The following BLTP1 variants were observed in gnomAD, a reference collection of about 807,000 sequenced individuals.
BLTP1 encodes the protein fragile site-associated protein.
chr4:122,263,883 G>C, the BLTP1 span, among the ~76,000 whole-genome samples: 1 of 152,052 alleles, frequency 6.6e-6, no homozygotes, highest in Non-Finnish European at 1.5e-5. Context: ...AAAATGCAAA[G>C]TGTAATTACA....
chr4:122,269,317 G>A, the BLTP1 span: 1 of 608,252 alleles, frequency 1.6e-6, no homozygotes. Flanking sequence ...CCTATTTATT[G>A]GCCTAGTAAA....
At chr4:122,329,982 G>T in the BLTP1 span, among the ~76,000 whole-genome samples, 54 of 151,836 alleles carry the variant, frequency 3.6e-4, no homozygotes, top group East Asian at 9.1e-3. Context: ...TGCAGTATTT[G>T]TCCTTCTGTA....
chr4:122,156,520 TAAG>T, the BLTP1 span, among the ~76,000 whole-genome samples: 2 of 152,168 alleles, frequency 1.3e-5, no homozygotes, highest in African/African-American at 4.8e-5. Context: ...ACATATCACT[TAAG>T]AAATCGTTGA....
chr4:122,332,661 A>G, the BLTP1 span, among the ~76,000 whole-genome samples: 1 of 131,946 alleles, frequency 7.6e-6, no homozygotes, highest in Admixed American at 8.0e-5. Context: ...TCTAAGTTTT[A>G]GGGTACATGT....
the BLTP1 span, chr4:122,246,889 A>T: frequency 1.3e-6 from 2 of 1,540,944 alleles, no homozygotes; most frequent in South Asian, 2.5e-5. Flanking sequence ...TTTCTTTTAA[A>T]AATACATTTC....
At chr4:122,166,058 G>A in the BLTP1 span, among the ~76,000 whole-genome samples, 2 of 152,068 alleles carry the variant, frequency 1.3e-5, no homozygotes, top group Non-Finnish European at 1.5e-5. Flanking sequence ...CTTTTGCTGT[G>A]CAGAAGCTCT....
chr4:122,215,239 T>C, the BLTP1 span: 1 of 549,194 alleles, frequency 1.8e-6, no homozygotes, highest in Non-Finnish European at 2.3e-6. Flanking sequence ...TAAATGGAGA[T>C]TGCTTTAGTA....
chr4:122,224,902 C>CCTG, the BLTP1 span: 2 of 1,367,660 alleles, frequency 1.5e-6, no homozygotes, highest in South Asian at 1.6e-5. Flanking sequence ...GTGTGTAGAC[C>CCTG]TATATAATAT....
At chr4:122,287,698 T>G in the BLTP1 span, 1 of 985,324 alleles carries the variant, frequency 1.0e-6, no homozygotes, top group East Asian at 1.1e-4. Flanking sequence ...GGGACATATT[T>G]AAGTCTGATT....
chr4:122,334,137 G>A, the BLTP1 span: 8 of 189,198 alleles, frequency 4.2e-5, no homozygotes, highest in South Asian at 1.8e-4. Flanking sequence ...TATTCAGTTC[G>A]AAAGGACATT....
chr4:122,242,314 G>C, the BLTP1 span, among the ~76,000 whole-genome samples: 1 of 152,120 alleles, frequency 6.6e-6, no homozygotes, highest in Non-Finnish European at 1.5e-5. Flanking sequence ...AGGAAATCGT[G>C]TCATTTGTGA....
chr4:122,238,001 A>T, the BLTP1 span: 2 of 1,348,156 alleles, frequency 1.5e-6, no homozygotes, highest in Non-Finnish European at 2.0e-6. Context: ...AAAAAAAAAA[A>T]TTATACTTAA....
chr4:122,277,449 T>C, the BLTP1 span: 6 of 983,744 alleles, frequency 6.1e-6, no homozygotes, highest in Non-Finnish European at 7.2e-6. Flanking sequence ...ACAGTTGTAG[T>C]GGTAGAAGTC....
At chr4:122,171,918 T>C in the BLTP1 span, 2 of 985,352 alleles carry the variant, frequency 2.0e-6, no homozygotes, top group South Asian at 9.4e-5. Flanking sequence ...TTGTTTAATA[T>C]TGAAAGCATA....
chr4:122,187,176 T>C, the BLTP1 span: 1 of 984,006 alleles, frequency 1.0e-6, no homozygotes, highest in African/African-American at 1.7e-5. Flanking sequence ...TCATTAAAGC[T>C]TGTTATTCTA....
At chr4:122,333,961 A>G in the BLTP1 span, 5 of 968,806 alleles carry the variant, frequency 5.2e-6, no homozygotes, top group Non-Finnish European at 7.3e-6. Context: ...AAGAACATCA[A>G]AACTGCAGGT....
At chr4:122,220,181 G>A in the BLTP1 span, 2 of 822,874 alleles carry the variant, frequency 2.4e-6, no homozygotes, top group East Asian at 2.8e-5. Flanking sequence ...TCCTACTGAG[G>A]TACAGAATAG....
At chr4:122,268,829 A>T in the BLTP1 span, among the ~76,000 whole-genome samples, 5 of 152,178 alleles carry the variant, frequency 3.3e-5, no homozygotes, top group African/African-American at 1.2e-4. Flanking sequence ...GTATGCTTCA[A>T]CTAATCACTA....
the BLTP1 span, chr4:122,161,274 T>C: frequency 3.9e-6 from 1 of 253,704 alleles, no homozygotes; most frequent in South Asian, 1.5e-4. Context: ...TTTTTTTTCA[T>C]TTTTGTTCTA....
Sources: allele counts gnomAD v4.1 joint callset (sites outside exome capture counted in the v4.1 genomes callset), GRCh38; gene constraint gnomAD v4.1.1; transcripts MANE v1.5; gene names NCBI Gene and HGNC (gene_info 2026-07-23, HGNC 2026-07-21).